Variants in GLB1L2 observed in about 807,000 individuals in gnomAD.
GLB1L2 encodes galactosidase beta 1 like 2, also known as beta-galactosidase-1-like protein 2.
A neutral mutation model predicts 84.1 loss-of-function variants in GLB1L2; 68 were observed. The observed-to-expected ratio is 0.81, with a 90% CI of 0.67 to 0.99. The LOEUF is 0.99. Among genes scored for constraint, GLB1L2 ranks in the 50% least tolerant of loss-of-function variants. GLB1L2 has a pLI of 0.00. For missense variants in GLB1L2, 762 were observed against 805.6 expected, an observed-to-expected ratio of 0.95 and a Z score of 0.66; for synonymous variants, 290 against 318.0, an observed-to-expected ratio of 0.91 and a Z score of 0.94.
chr11:134,353,756 AT>A (rs1233974736), intron 5 of GLB1L2, among the ~76,000 whole-genome samples: 4 of 152,102 alleles, frequency 2.6e-5, no homozygotes, highest in Admixed American at 6.6e-5. Flanking sequence ...CTTTTGGTGA[AT>A]TGACCCTTTT....
rs559496377 is a variant in GLB1L2, at chr11:134,372,105, C to T, written c.1507+275C>T. Among the ~76,000 whole-genome samples, 10 of 152,280 alleles carry T rather than the reference C, an allele frequency of 6.6e-5. No individual in the cohort carries two copies. The South Asian group carries it at 8.3e-4, about 13-fold the overall frequency. On this transcript the variant is annotated intron_variant, in intron 15 of 18. Transcript: ENST00000535456. ...CCTCTTGTCTCCCCTGGGCTGCAGT[C>T]GGTTTCTGCAAGGATGTCTGCTTGG...
intron 7 of GLB1L2, chr11:134,359,499 T>C (rs2136279300): frequency 5.4e-6 from 1 of 185,118 alleles, no homozygotes; most frequent in South Asian, 1.8e-4. Flanking sequence ...CTCCTCTCCA[T>C]TCCGCCTGGC....
intron 4 of GLB1L2, among the ~76,000 whole-genome samples, chr11:134,346,152 C>T (rs1943549694): frequency 6.6e-6 from 1 of 152,174 alleles, no homozygotes; most frequent in Non-Finnish European, 1.5e-5. Context: ...TTCTTTTCCT[C>T]CTGGTTTCCA....
In GLB1L2 at chr11:134,371,182, C is replaced by T. The variant is rs1943947706; in HGVS notation, c.1356+34C>T. Reference sequence around the variant, plus strand: ...TTCTCTTCTAAATTCCTGTGACCTTCTGGTGAGCAGCTCTGCAATAGGCGT... The same window carrying T: ...TTCTCTTCTAAATTCCTGTGACCTTTTGGTGAGCAGCTCTGCAATAGGCGT... On this transcript the variant is annotated intron_variant, in intron 13 of 18. Coordinates refer to ENST00000535456, the MANE Select transcript of GLB1L2 (RefSeq NM_001370461.1). The T allele has an allele frequency of 1.9e-6, 3 of 1,612,674 alleles. No homozygotes were observed. The South Asian group carries it at 3.3e-5, about 18-fold the overall frequency.
In GLB1L2 at chr11:134,370,349, A is replaced by G; in HGVS notation, c.1165A>G (p.Thr389Ala). ...TCCCAAGATGCCGTATGAGCCCTTA[A>G]CGCCAGTCTTGTACCTGTCTCTGTG... Reference protein sequence around the residue: ...LLPKMPYEPLTPVLYLSLWDA... With the variant: ...LLPKMPYEPLAPVLYLSLWDA... Residue 389 changes from threonine to alanine, a missense_variant, in exon 12 of 19, where the codon ACG becomes GCG. Thr to Ala is a moderately conservative substitution (Grantham distance 58, BLOSUM62 0). Transcript: ENST00000535456. The surrounding 1 kb of genome is among the most constrained non-coding windows in gnomAD (Gnocchi z 4.7). 1 of 1,612,532 alleles carries G rather than the reference A, an allele frequency of 6.2e-7. No homozygotes were observed. The highest frequency in any genetic ancestry group is 8.5e-7 in the Non-Finnish European group (1 of 1,179,734).
At position 134,370,317 on chromosome 11, in the gene GLB1L2, A is replaced by G. The variant is rs751975199; in HGVS notation, c.1133A>G (p.Asp378Gly). ...GGCATCCCTCTCCCTCCCCCACCTG[A>G]CCTTCTTCCCAAGATGCCGTATGAG... ...ISGIPLPPPP[D>G]LLPKMPYEPL... The change falls in exon 12 of 19, where the codon GAC (aspartate) becomes GGC (glycine). Residue 378 changes from aspartate (D) to glycine (G), a missense_variant. Asp to Gly is a moderately conservative substitution (Grantham distance 94). Around this residue, in one of 3 missense-constraint regions of GLB1L2, gnomAD observed 603 missense variants for 611.7 expected, o/e 0.99. Coordinates refer to ENST00000535456, the MANE Select transcript of GLB1L2 (RefSeq NM_001370461.1). This position sits in a 1 kb window ranked among gnomAD's most constrained non-coding sequence, Gnocchi z 4.7. 2 of 1,612,362 alleles carry G rather than the reference A, an allele frequency of 1.2e-6. No individual in the cohort carries two copies. Among genetic ancestry groups the G allele is most frequent in the Admixed American group, 3.3e-5 (2 of 59,822 alleles).
At chr11:134,336,673 A>G (rs757599772) in intron 1 of GLB1L2, among the ~76,000 whole-genome samples, 3 of 152,210 alleles carry the variant, frequency 2.0e-5, no homozygotes, top group Admixed American at 6.5e-5. Flanking sequence ...GCCCAACTCA[A>G]TAGGGCCAAG....
intron 15 of GLB1L2, 75 bp downstream of exon 15, chr11:134,371,905 A>G (rs1338845988): frequency 7.1e-7 from 1 of 1,416,324 alleles, no homozygotes; most frequent in Admixed American, 1.7e-5. Flanking sequence ...CTATGCTAGC[A>G]GGCCACCAGG....
chr11:134,347,314 TAC>T lies in GLB1L2; in HGVS notation c.450-8_450-7del. 1 of 1,606,284 alleles carries T rather than the reference TAC, an allele frequency of 6.2e-7. No homozygotes were observed. Among genetic ancestry groups the T allele is most frequent in the Non-Finnish European group, 8.5e-7 (1 of 1,172,856 alleles). On this transcript the variant is annotated splice_polypyrimidine_tract_variant and intron_variant, in intron 4 of 18. Transcript: ENST00000535456. ...ACTAACATCCTTCCTTTCCCCCGTT[TAC>T]ACTTCAAGCTGGCTACTCCAAGACC...
intron 5 of GLB1L2, among the ~76,000 whole-genome samples, chr11:134,351,180 A>C (rs1421612289): frequency 6.6e-6 from 1 of 152,150 alleles, no homozygotes; most frequent in Non-Finnish European, 1.5e-5. Context: ...TGGGGCCTTT[A>C]CTATGTTGAG....
intron 4 of GLB1L2, among the ~76,000 whole-genome samples, chr11:134,345,342 C>G (rs73030603): frequency 1.9e-4 from 29 of 152,356 alleles, no homozygotes; most frequent in Non-Finnish European, 3.1e-4. Flanking sequence ...GCATGGGCTG[C>G]TTGTGTGACA....
In GLB1L2 at chr11:134,374,552, T is replaced by G. The variant is rs770109638; in HGVS notation, c.1708-50T>G. The G allele has an allele frequency of 6.3e-6, 9 of 1,434,826 alleles. No homozygotes were observed. The Admixed American group carries it at 1.5e-4, about 24-fold the overall frequency. 88.9% of individuals were successfully genotyped at this position (1,434,826 alleles called of 1,614,324 possible). A position where few individuals can be genotyped will look rare whatever the true frequency, so the allele number is the denominator to read the frequency against. On this transcript the variant is annotated intron_variant, in intron 17 of 18. Transcript: ENST00000535456. Reference sequence around the variant, plus strand: ...AGCACGCATGCATGTCTCCCTCCACTTTTGCTGTGGCTCTCGTGGTAGATG... The same window carrying G: ...AGCACGCATGCATGTCTCCCTCCACGTTTGCTGTGGCTCTCGTGGTAGATG...
chr11:134,341,867 G>A lies in GLB1L2; in HGVS notation c.87-887G>A, dbSNP rs1319082541. ...AGGGGCGTCTTGTGCAGTGGGGCCC[G>A]GCTGGCCACCGCCTGCTAGTGTCAG... On this transcript the variant is annotated intron_variant, in intron 1 of 18. Transcript: ENST00000535456. Among the ~76,000 whole-genome samples the A allele has an allele frequency of 2.0e-5, 3 of 151,522 alleles. 1 individual carries two copies. Among genetic ancestry groups the A allele is most frequent in the African/African-American group, 7.3e-5 (3 of 41,152 alleles).
chr11:134,348,889 G>C (rs1314276895), intron 5 of GLB1L2, among the ~76,000 whole-genome samples: 1 of 152,220 alleles, frequency 6.6e-6, no homozygotes, highest in Non-Finnish European at 1.5e-5. Context: ...GAGCGTCAGA[G>C]AGCTCCCTGA....
At chr11:134,373,400 C>A (rs1943982158) in intron 15 of GLB1L2, among the ~76,000 whole-genome samples, 1 of 152,196 alleles carries the variant, frequency 6.6e-6, no homozygotes, top group Admixed American at 6.5e-5. Flanking sequence ...AGGCCAGAAC[C>A]CTCTCGGTCA....
Position 134,350,553 on chromosome 11 carries a change from G to A in GLB1L2, c.558+3120G>A, listed in dbSNP as rs548499838. Among the ~76,000 whole-genome samples the A allele has an allele frequency of 4.7e-4, 71 of 152,310 alleles. 1 individual carries two copies. In the Middle Eastern group the frequency reaches 0.014, roughly 29 times the overall value. The stretch of plus-strand genomic sequence containing the variant: ...CTGTCTCTCTTGCCTGCCTTAATGC[G>A]TCTTTTGGTGATATGAAGTTAAAAC... On this transcript the variant is annotated intron_variant, in intron 5 of 18. Coordinates refer to ENST00000535456, the MANE Select transcript of GLB1L2 (RefSeq NM_001370461.1).
rs1439450372 is a variant in GLB1L2, at chr11:134,375,024, C to G, written c.1877C>G (p.Thr626Ser). ...GGCCCTGCATTACAGTTCACGGAAA[C>G]CCCCCACCTGGGCAGGAACCAGTAC... ...MAGPALQFTE[T>S]PHLGRNQYIK Residue 626 changes from threonine (T) to serine (S), a missense_variant, in exon 19 of 19, where the codon ACC (threonine) becomes AGC (serine). Around this residue, in one of 3 missense-constraint regions of GLB1L2, gnomAD observed 603 missense variants for 611.7 expected, o/e 0.99. Coordinates refer to ENST00000535456, the MANE Select transcript of GLB1L2 (RefSeq NM_001370461.1). 1 of 1,613,598 alleles carries G rather than the reference C, an allele frequency of 6.2e-7. No homozygotes were observed. Among genetic ancestry groups the G allele is most frequent in the African/African-American group, 1.3e-5 (1 of 74,920 alleles).
rs901866726 is a variant in GLB1L2, at chr11:134,338,070, C to T, written c.87-4684C>T. Reference sequence around the variant, plus strand: ...GCTTGCGTATGCTGGTGGCCAGCCTCGGACTGCGTGAGTGCTGCCTGGTCT... The same window carrying T: ...GCTTGCGTATGCTGGTGGCCAGCCTTGGACTGCGTGAGTGCTGCCTGGTCT... On this transcript the variant is annotated intron_variant, in intron 1 of 18. Transcript: ENST00000535456. The surrounding 1 kb of genome is among the most constrained non-coding windows in gnomAD (Gnocchi z 6.2). 9.9e-5 allele frequency among the ~76,000 whole-genome samples: 15 copies of T among 152,166 alleles called. No homozygotes were observed. The highest frequency in any genetic ancestry group is 1.9e-4 in the Non-Finnish European group (13 of 68,028).
chr11:134,332,613 G>C (rs1438068232), intron 1 of GLB1L2, among the ~76,000 whole-genome samples: 1 of 152,160 alleles, frequency 6.6e-6, no homozygotes, highest in Non-Finnish European at 1.5e-5. Context: ...TGGCAGGTAT[G>C]GTCTAGCCAG....
Sources: allele counts gnomAD v4.1 joint callset (sites outside exome capture counted in the v4.1 genomes callset), GRCh38; gene constraint gnomAD v4.1.1; regional missense constraint gnomAD v4.1.1; non-coding constraint Gnocchi (gnomAD v3.1); transcripts MANE v1.5; gene names NCBI Gene and HGNC (gene_info 2026-07-23, HGNC 2026-07-21).